FSTL1: variants seen among roughly 807,000 people sequenced by gnomAD.
FSTL1 encodes the protein follistatin-related protein 1.
A neutral mutation model predicts 45.9 loss-of-function variants in FSTL1; 24 were observed. The ratio of observed to expected loss-of-function variants is 0.52; its 90% CI spans 0.38 to 0.74. The LOEUF is 0.74. Ranked by LOEUF, FSTL1 falls within the 30% of genes least tolerant of loss-of-function variation. The probability of loss-of-function intolerance (pLI) is 0.00; values close to 1 mark genes in which losing one functional copy is unlikely to be tolerated. For missense variants in FSTL1, 340 were observed against 381.8 expected (o/e 0.89, Z 0.91); for synonymous variants, 120 against 137.6 (o/e 0.87, Z 0.89).
Position 120,443,613 on chromosome 3 carries a change from C to A in FSTL1, c.63+7071G>T, listed in dbSNP as rs917774495. On this transcript the variant is annotated intron_variant, in intron 2 of 10. Coordinates refer to ENST00000295633, the MANE Select transcript of FSTL1 (RefSeq NM_007085.5). ...CAATTCAAGCCAATATCCCATGACA[C>A]ACACACACACATGCACACATGCATG... Among the ~76,000 whole-genome samples, 4 of 149,860 alleles carry A rather than the reference C, an allele frequency of 2.7e-5. 1 individual carries two copies. The highest frequency in any genetic ancestry group is 1.0e-4 in the African/African-American group (4 of 39,198).
intron 2 of FSTL1, among the ~76,000 whole-genome samples, chr3:120,437,329 T>C: frequency 6.6e-6 from 1 of 152,104 alleles, no homozygotes; most frequent in East Asian, 1.9e-4. Flanking sequence ...AGGGAATGAG[T>C]GAATGAATGA....
At chr3:120,403,920 CAAAAAAA>C (rs34145564) in intron 7 of FSTL1, among the ~76,000 whole-genome samples, 2 of 52,146 alleles carry the variant, frequency 3.8e-5, no homozygotes, top group Non-Finnish European at 6.5e-5. Context: ...GACTCCGTCT[CAAAAAAA>C]AAAAAAAAAA....
chr3:120,415,841 G>T (rs1046252452), intron 3 of FSTL1, 82 bp downstream of exon 3: 98 of 746,572 alleles, frequency 1.3e-4, no homozygotes, highest in Non-Finnish European at 4.9e-6. Flanking sequence ...GAAATCATTG[G>T]CACTGCCTGC....
intron 6 of FSTL1, among the ~76,000 whole-genome samples, chr3:120,405,589 G>A: frequency 6.6e-6 from 1 of 152,222 alleles, no homozygotes; most frequent in African/African-American, 2.4e-5. Flanking sequence ...GCTACAGACA[G>A]GGGTCATCAT....
chr3:120,408,129 C>T (rs1048272681), intron 6 of FSTL1, among the ~76,000 whole-genome samples: 4 of 152,240 alleles, frequency 2.6e-5, no homozygotes, highest in Non-Finnish European at 5.9e-5. Flanking sequence ...GCAGGCCCTG[C>T]AGGTACCTTT....
intron 2 of FSTL1, among the ~76,000 whole-genome samples, chr3:120,438,723 T>A (rs1937596517): frequency 6.6e-6 from 1 of 151,972 alleles, no homozygotes; most frequent in Admixed American, 6.6e-5. Context: ...AGATGAGGAG[T>A]CAGGTGGCTG....
intron 2 of FSTL1, among the ~76,000 whole-genome samples, chr3:120,450,458 T>G (rs1481637906): frequency 6.6e-6 from 1 of 152,158 alleles, no homozygotes; most frequent in Non-Finnish European, 1.5e-5. Flanking sequence ...CCCTCCATGT[T>G]AGCCGCGGCG....
Position 120,396,892 on chromosome 3 carries a change from T to C in FSTL1, c.*60A>G. 1 of 1,202,892 alleles carries C rather than the reference T, an allele frequency of 8.3e-7. No individual in the cohort carries two copies. The highest frequency in any genetic ancestry group is 1.2e-6 in the Non-Finnish European group (1 of 804,730). 74.5% of individuals were successfully genotyped at this position (1,202,892 alleles called of 1,614,324 possible). Reference sequence around the variant, plus strand: ...GACTGTAGCAGACACTTGTGTATACTGAACTCAGCGCTGAAGTGGAGAAGA... The same window carrying C: ...GACTGTAGCAGACACTTGTGTATACCGAACTCAGCGCTGAAGTGGAGAAGA... On this transcript the variant is annotated 3_prime_UTR_variant, in exon 11 of 11. Coordinates refer to ENST00000295633, the MANE Select transcript of FSTL1 (RefSeq NM_007085.5).
chr3:120,410,941 T>C lies in FSTL1; in HGVS notation c.331+11A>G, dbSNP rs1309162372. ...CCTGAGATGCACACAGTAGAAAAAA[T>C]AGGCACTCACCTGGGCTGGCAGATG... On this transcript the variant is annotated intron_variant, in intron 5 of 10. Transcript: ENST00000295633. 3 of 1,601,000 alleles carry C rather than the reference T, an allele frequency of 1.9e-6. No individual in the cohort carries two copies. The highest frequency in any genetic ancestry group is 1.1e-5 in the South Asian group (1 of 90,782).
intron 2 of FSTL1, among the ~76,000 whole-genome samples, chr3:120,417,297 AAAAG>A (rs140674503): frequency 0.055 from 8,395 of 152,240 alleles, 588 homozygotes; most frequent in African/African-American, 0.17. Flanking sequence ...GAAAAAAGCA[AAAAG>A]AAAGAAGAGG....
chr3:120,409,826 C>T (rs1192567715), intron 5 of FSTL1, 164 bp from the exon 6 acceptor site: 2 of 484,902 alleles, frequency 4.1e-6, no homozygotes, highest in Non-Finnish European at 7.2e-6. Context: ...TGGAAAAAGT[C>T]TAGCCCAGGA....
chr3:120,397,109 G>C, intron 10 of FSTL1, 113 bp from the exon 11 acceptor site: 2 of 889,014 alleles, frequency 2.2e-6, no homozygotes, highest in Non-Finnish European at 3.8e-6. Flanking sequence ...CTGAATTTTA[G>C]TTGTTTACTT....
intron 2 of FSTL1, among the ~76,000 whole-genome samples, chr3:120,442,636 C>T (rs1400216952): frequency 4.0e-5 from 6 of 151,574 alleles, no homozygotes; most frequent in Admixed American, 6.6e-5. Flanking sequence ...AAAAATTAGC[C>T]GGGTGTGGTG....
In FSTL1 at chr3:120,404,336, G is replaced by C. The variant is rs142578772; in HGVS notation, c.581+517C>G. Among the ~76,000 whole-genome samples the C allele has an allele frequency of 2.4e-3, 365 of 152,134 alleles. 2 individuals are homozygous for C. The highest frequency in any genetic ancestry group is 4.2e-3 in the Non-Finnish European group (285 of 68,014). ...GCTTTTCCTATTTTTAATTCTTACCGATGTGCTGAAACCACATCAAAAGTT... is the reference window on the plus strand; with the variant it reads ...GCTTTTCCTATTTTTAATTCTTACCCATGTGCTGAAACCACATCAAAAGTT... On this transcript the variant is annotated intron_variant, in intron 7 of 10. Transcript: ENST00000295633.
In FSTL1 at chr3:120,411,786, G is replaced by A; in HGVS notation, c.298+68C>T. The A allele has an allele frequency of 2.8e-6, 4 of 1,418,918 alleles. No homozygotes were observed. In the Admixed American group the frequency reaches 5.2e-5, roughly 18 times the overall value. 87.9% of individuals were successfully genotyped at this position (1,418,918 alleles called of 1,614,324 possible). The stretch of plus-strand genomic sequence containing the variant: ...GAGGAAAGACCATGTGGTCAGCCAG[G>A]CCACACTGCTCTGTTCCTTGGCTCC... On this transcript the variant is annotated intron_variant, in intron 4 of 10. Coordinates refer to ENST00000295633, the MANE Select transcript of FSTL1 (RefSeq NM_007085.5).
chr3:120,433,942 T>G (rs1363783973), intron 2 of FSTL1, among the ~76,000 whole-genome samples: 2 of 152,174 alleles, frequency 1.3e-5, no homozygotes, highest in Non-Finnish European at 2.9e-5. Flanking sequence ...TGTAGGGTTT[T>G]AAAGGTACTG....
At chr3:120,411,013 T>C (rs41271405) in intron 4 of FSTL1, 29 bp from the exon 5 acceptor site, 20,452 of 1,577,630 alleles carry the variant, frequency 0.013, 431 homozygotes, top group African/African-American at 0.078. Flanking sequence ...AAACGTGTAA[T>C]GCGAAGTGAA....
rs898058571 is a variant in FSTL1 at position 120,415,941 on chromosome 3, G to A, written c.150C>T (p.Pro50=). Residue 50 remains proline, a synonymous_variant, in exon 3 of 11, where the codon CCC becomes CCT. Transcript: ENST00000295633. The part of the protein sequence containing the change: ...RECAVTEKGE[P]TCLCIEQCKP... Reference sequence around the variant, plus strand: ...GACTTACCTCAATGCAGAGACAGGTGGGTTCCCCTTTCTCTGTGACTGCAC... The same window carrying A: ...GACTTACCTCAATGCAGAGACAGGTAGGTTCCCCTTTCTCTGTGACTGCAC... 14 of 1,610,774 alleles carry A rather than the reference G, an allele frequency of 8.7e-6. No homozygotes were observed. The highest frequency in any genetic ancestry group is 1.2e-5 in the Non-Finnish European group (14 of 1,177,084).
rs370515114 is a variant in FSTL1 at position 120,426,720 on chromosome 3, C to T, written c.64-10693G>A. Among the ~76,000 whole-genome samples, 3 of 152,146 alleles carry T rather than the reference C, an allele frequency of 2.0e-5. No individual in the cohort carries two copies. The East Asian group carries it at 5.8e-4, about 29-fold the overall frequency. On this transcript the variant is annotated intron_variant, in intron 2 of 10. Coordinates refer to ENST00000295633, the MANE Select transcript of FSTL1 (RefSeq NM_007085.5). ...CTCGACGGTGGTCCACATGCCCTGG[C>T]ACTGAGTTGGATGCCCGACACTGTC...
Sources: gnomAD v4.1 joint callset for allele counts (sites outside exome capture counted in the v4.1 genomes callset) on GRCh38, gnomAD v4.1.1 for gene constraint, MANE v1.5 for transcripts, NCBI Gene and HGNC (gene_info 2026-07-23, HGNC 2026-07-21) for gene names.